The following ELF2 variants were observed in gnomAD, a reference collection of about 807,000 sequenced individuals.
The protein encoded by ELF2 is ETS-related transcription factor Elf-2.
A neutral mutation model predicts 54.8 loss-of-function variants in ELF2; 11 were observed. The observed-to-expected ratio is 0.20, with a 90% CI of 0.13 to 0.33. ELF2 has a LOEUF of 0.33. Among genes scored for constraint, ELF2 ranks in the 10% least tolerant of loss-of-function variants. The pLI is 1.00. For synonymous variants in ELF2, 203 were observed against 245.1 expected, an observed-to-expected ratio of 0.83 and a Z score of 1.61; for missense variants, 513 against 703.0, an observed-to-expected ratio of 0.73 and a Z score of 3.06.
chr4:139,153,506 C>A (rs780288920), intron 1 of ELF2, among the ~76,000 whole-genome samples: 23 of 151,712 alleles, frequency 1.5e-4, no homozygotes, highest in Admixed American at 7.9e-4. Context: ...ACTCACTATC[C>A]CAAAGGGAAA....
intron 4 of ELF2, among the ~76,000 whole-genome samples, chr4:139,075,523 A>G (rs1730182413): frequency 2.0e-5 from 3 of 152,260 alleles, no homozygotes; most frequent in Admixed American, 2.0e-4. Flanking sequence ...TCCACCTCTC[A>G]GGTTCAAGCG....
At chr4:139,156,273 T>C (rs1017866745) in intron 1 of ELF2, among the ~76,000 whole-genome samples, 1 of 152,110 alleles carries the variant, frequency 6.6e-6, no homozygotes, top group Admixed American at 6.6e-5. Flanking sequence ...CCTCCCGGGT[T>C]CACGCCATTC....
At chr4:139,061,759 CAA>C (rs1466826972) in intron 8 of ELF2, 104 bp downstream of exon 8, 2 of 1,337,456 alleles carry the variant, frequency 1.5e-6, no homozygotes, top group African/African-American at 3.0e-5. Context: ...GAATATCCCC[CAA>C]AGTTAAAAGT....
chr4:139,140,818 G>A (rs568259755), intron 1 of ELF2, among the ~76,000 whole-genome samples: 2 of 151,460 alleles, frequency 1.3e-5, no homozygotes, highest in East Asian at 3.9e-4. Context: ...TACTGCTCCA[G>A]TTCCTTCCTT....
intron 4 of ELF2, among the ~76,000 whole-genome samples, chr4:139,112,062 T>G (rs1009627824): frequency 6.6e-6 from 1 of 152,258 alleles, no homozygotes; most frequent in East Asian, 1.9e-4. Context: ...TAGACTTATC[T>G]GATCCAAGAA....
At chr4:139,088,224 T>C (rs1232147934) in intron 4 of ELF2, among the ~76,000 whole-genome samples, 1 of 147,618 alleles carries the variant, frequency 6.8e-6, no homozygotes, top group East Asian at 2.0e-4. Flanking sequence ...GAGAGGAAGG[T>C]TGCAGTGAGC....
At chr4:139,085,528 G>T (rs1354397654) in intron 4 of ELF2, among the ~76,000 whole-genome samples, 4 of 152,154 alleles carry the variant, frequency 2.6e-5, no homozygotes, top group African/African-American at 9.7e-5. Flanking sequence ...CCCAACATGA[G>T]TGCAGCATCA....
At chr4:139,118,828 G>A (rs765564944) in intron 4 of ELF2, among the ~76,000 whole-genome samples, 8 of 152,076 alleles carry the variant, frequency 5.3e-5, no homozygotes, top group Admixed American at 1.3e-4. Flanking sequence ...AAGAAACTCT[G>A]TCACAAGCAC....
chr4:139,151,082 A>AAGAAAG (rs1560871742), intron 1 of ELF2, among the ~76,000 whole-genome samples: 1 of 121,864 alleles, frequency 8.2e-6, no homozygotes, highest in Non-Finnish European at 1.7e-5. Flanking sequence ...GAAAGAAAGA[A>AAGAAAG]AGAAAGAAAG....
chr4:139,167,972 T>C (rs1741890159), intron 1 of ELF2, among the ~76,000 whole-genome samples: 1 of 152,232 alleles, frequency 6.6e-6, no homozygotes, highest in Non-Finnish European at 1.5e-5. Flanking sequence ...CAGTAGCTTC[T>C]GCTGGTAACT....
chr4:139,173,167 C>G (rs752132764), intron 1 of ELF2, among the ~76,000 whole-genome samples: 1 of 151,886 alleles, frequency 6.6e-6, no homozygotes, highest in Non-Finnish European at 1.5e-5. Flanking sequence ...ATTTTGGAGG[C>G]AATGGAAATG....
chr4:139,112,700 A>C lies in ELF2; in HGVS notation c.238+12464T>G, dbSNP rs575617324. ...ATTTAGATACACTGTTGTATAGCAA[A>C]AATTTTTTTTTAATTTTTTTAGTAT... On this transcript the variant is annotated intron_variant, in intron 4 of 9. Coordinates refer to ENST00000686138, the MANE Select transcript of ELF2 (RefSeq NM_001331036.3). Among the ~76,000 whole-genome samples the C allele has an allele frequency of 3.9e-5, 6 of 152,286 alleles. No homozygotes were observed. In the South Asian group the frequency reaches 8.3e-4, roughly 21 times the overall value.
intron 4 of ELF2, among the ~76,000 whole-genome samples, chr4:139,099,434 T>C (rs1733641663): frequency 1.3e-5 from 2 of 152,200 alleles, no homozygotes; most frequent in African/African-American, 4.8e-5. Flanking sequence ...TGTGGAAACA[T>C]TAAGCAAACG....
At chr4:139,166,746 T>C (rs910837735) in intron 1 of ELF2, among the ~76,000 whole-genome samples, 1 of 152,116 alleles carries the variant, frequency 6.6e-6, no homozygotes, top group Non-Finnish European at 1.5e-5. Context: ...TGGGCACCTG[T>C]AATCCCAGCT....
chr4:139,084,447 C>CAGG (rs1345301998), intron 4 of ELF2: 27 of 1,141,962 alleles, frequency 2.4e-5, no homozygotes, highest in Non-Finnish European at 2.7e-5. Context: ...GGGGCGGCGG[C>CAGG]GGCGGCGGCG....
intron 7 of ELF2, chr4:139,066,669 T>C (rs1044309480): frequency 2.0e-5 from 3 of 151,560 alleles, no homozygotes; most frequent in African/African-American, 7.3e-5. Context: ...GGAGGATCTC[T>C]TGAAGCTAGG....
At chr4:139,132,856 AT>A (rs1578883788) in intron 3 of ELF2, among the ~76,000 whole-genome samples, 4 of 138,054 alleles carry the variant, frequency 2.9e-5, no homozygotes, top group African/African-American at 5.7e-5. Context: ...ATATATATAT[AT>A]ATATATATAT....
At chr4:139,158,160 G>A (rs1053808939) in intron 1 of ELF2, among the ~76,000 whole-genome samples, 1 of 152,236 alleles carries the variant, frequency 6.6e-6, no homozygotes, top group Non-Finnish European at 1.5e-5. Context: ...GTTCTCTGGC[G>A]GGCAGGGGTG....
intron 7 of ELF2, among the ~76,000 whole-genome samples, chr4:139,065,636 G>A (rs914360608): frequency 1.3e-5 from 2 of 152,126 alleles, no homozygotes; most frequent in East Asian, 1.9e-4. Flanking sequence ...AGGTTTGACT[G>A]TAACAGCTTC....
Sources: allele counts gnomAD v4.1 joint callset (sites outside exome capture counted in the v4.1 genomes callset), GRCh38; gene constraint gnomAD v4.1.1; transcripts MANE v1.5; gene names NCBI Gene and HGNC (gene_info 2026-07-23, HGNC 2026-07-21).